HYDIN: variants seen among roughly 807,000 people sequenced by gnomAD.
HYDIN encodes axonemal central pair apparatus protein HYDIN.
Under a neutral mutation model 403.9 loss-of-function variants are expected in HYDIN, and 132 were observed. The observed-to-expected ratio is 0.33, with a 90% confidence interval of 0.28 to 0.38. The LOEUF is 0.38. HYDIN is among the 10% of genes least tolerant of loss of function. HYDIN has a pLI of 1.00. For synonymous variants in HYDIN, 1,202 were observed against 1,891.7 expected (o/e 0.64, Z 9.46); for missense variants, 2,827 against 5,009.5 (o/e 0.56, Z 13.15).
intron 12 of HYDIN, among the ~76,000 whole-genome samples, chr16:71,081,227 T>A (rs2082776641): frequency 6.6e-6 from 1 of 152,184 alleles, no homozygotes. Context: ...ATTGGTGCCT[T>A]AGTGATACTT....
intron 22 of HYDIN, 80 bp downstream of exon 22, chr16:71,020,094 T>C (rs2080425729): frequency 1.5e-6 from 2 of 1,317,012 alleles, no homozygotes; most frequent in Non-Finnish European, 2.1e-6. Context: ...AGTTGGGTGG[T>C]GTATCATTAC....
At chr16:71,130,470 G>GCTT (rs1244461507) in intron 8 of HYDIN, among the ~76,000 whole-genome samples, 2 of 75,786 alleles carry the variant, frequency 2.6e-5, no homozygotes, top group Non-Finnish European at 5.2e-5. Context: ...ATATATACCG[G>GCTT]TTTTTTTTTT....
intron 10 of HYDIN, among the ~76,000 whole-genome samples, chr16:71,097,225 G>A (rs1425009511): frequency 7.5e-6 from 1 of 132,704 alleles, no homozygotes; most frequent in Non-Finnish European, 1.5e-5. Flanking sequence ...AATTCACTGG[G>A]TCCTACTCTA....
intron 64 of HYDIN, 128 bp from the exon 65 acceptor site, chr16:70,872,307 T>G (rs2143655236): frequency 1.9e-6 from 1 of 538,668 alleles, no homozygotes; most frequent in East Asian, 3.3e-5. Context: ...TTGAGAAACC[T>G]AGAATCTCTG....
chr16:71,116,582 T>C, intron 9 of HYDIN, among the ~76,000 whole-genome samples: 1 of 152,074 alleles, frequency 6.6e-6, no homozygotes. Context: ...CAGTTCTATT[T>C]ATGATTTTTT....
In HYDIN at chr16:70,993,125, T is replaced by C. The variant is rs141448707; in HGVS notation, c.3645-915A>G. Reference sequence around the variant, plus strand: ...TCTTCCCACCGGAAGAAATTCTCCCTCCCTTGGAAGCTTCAGAGCATTTCA... The same window carrying C: ...TCTTCCCACCGGAAGAAATTCTCCCCCCCTTGGAAGCTTCAGAGCATTTCA... On this transcript the variant is annotated intron_variant, in intron 23 of 85. Coordinates refer to ENST00000393567, the MANE Select transcript of HYDIN (RefSeq NM_001270974.2). Among the ~76,000 whole-genome samples, 856 of 152,296 alleles carry C rather than the reference T, an allele frequency of 5.6e-3. 6 individuals are homozygous for C. The highest frequency in any genetic ancestry group is 0.02 in the African/African-American group (812 of 41,576).
intron 50 of HYDIN, among the ~76,000 whole-genome samples, chr16:70,907,052 C>A (rs2076556183): frequency 6.6e-6 from 1 of 151,918 alleles, no homozygotes; most frequent in Admixed American, 6.6e-5. Context: ...GCTGTATAAC[C>A]TATTCTCTGC....
At chr16:70,926,615 A>T (rs76457530) in intron 45 of HYDIN, among the ~76,000 whole-genome samples, 1 of 148,382 alleles carries the variant, frequency 6.7e-6, no homozygotes, top group South Asian at 2.2e-4. Flanking sequence ...GTATAATAAT[A>T]AAAAAAAAAT....
rs760277100 is a variant in HYDIN, at chr16:70,943,854, G to A, written c.6627C>T (p.Leu2209=). ...GGATCTGCACGAGAAGTTCATCCGG[G>A]AGCACACAGCTCATCAGCCCGGTCT... is the stretch of plus-strand genomic sequence containing the variant. ...GGETGLMSCV[L]PDELLVQILA... The change falls in exon 42 of 86, where the codon CTC becomes CTT. Residue 2209 remains leucine, a synonymous_variant. Transcript: ENST00000393567. 13 of 1,613,606 alleles carry A rather than the reference G, an allele frequency of 8.1e-6. No individual in the cohort carries two copies. In the South Asian group the frequency reaches 1.3e-4, roughly 16 times the overall value.
intron 1 of HYDIN, among the ~76,000 whole-genome samples, chr16:71,202,689 T>C (rs1206074703): frequency 2.0e-5 from 3 of 152,228 alleles, no homozygotes; most frequent in Non-Finnish European, 4.4e-5. Context: ...GCATATATAA[T>C]GAATTTAGTA....
chr16:70,874,889 C>G lies in HYDIN; in HGVS notation c.10588G>C (p.Val3530Leu), dbSNP rs199990164. The G allele has an allele frequency of 2.5e-6, 4 of 1,610,546 alleles. No homozygotes were observed. The highest frequency in any genetic ancestry group is 3.4e-6 in the Non-Finnish European group (4 of 1,179,042). ...LHVDLQDELG[V>L]FSLKGRPTTA... ...GTGGGCCTCCCTTTCAGGGAGAAGA[C>G]TCCTAGCTCATCCTGCAGGTCAACA... The change falls in exon 63 of 86, where the codon GTC becomes CTC. Residue 3530 changes from valine to leucine, a missense_variant. Transcript: ENST00000393567.
At chr16:70,830,432 G>C (rs1170691424) in intron 80 of HYDIN, among the ~76,000 whole-genome samples, 1 of 144,394 alleles carries the variant, frequency 6.9e-6, no homozygotes, top group Non-Finnish European at 1.5e-5. Context: ...CAGGGTCTTG[G>C]AGTCATGGTA....
At chr16:71,213,607 T>C (rs2088709544) in intron 1 of HYDIN, among the ~76,000 whole-genome samples, 1 of 152,228 alleles carries the variant, frequency 6.6e-6, no homozygotes, top group Non-Finnish European at 1.5e-5. Flanking sequence ...TTGAAATATG[T>C]TGAATTTTAA....
intron 81 of HYDIN, among the ~76,000 whole-genome samples, 170 bp from the exon 82 acceptor site, chr16:70,828,599 ATG>A: frequency 6.6e-6 from 1 of 150,934 alleles, no homozygotes; most frequent in South Asian, 2.1e-4. Context: ...AAATGTTCAT[ATG>A]TATCCGAGCC....
chr16:71,102,255 C>A (rs1262083663), intron 10 of HYDIN, among the ~76,000 whole-genome samples: 4 of 151,948 alleles, frequency 2.6e-5, no homozygotes. Context: ...AGTCCCATTT[C>A]TTAACGTGGG....
At chr16:71,212,806 T>G (rs1428078808) in intron 1 of HYDIN, among the ~76,000 whole-genome samples, 1 of 152,108 alleles carries the variant, frequency 6.6e-6, no homozygotes, top group Non-Finnish European at 1.5e-5. Flanking sequence ...TTTACCGAAG[T>G]GTTGAGAACA....
intron 55 of HYDIN, chr16:70,893,789 T>C (rs1367636124): frequency 6.6e-6 from 1 of 152,122 alleles, no homozygotes; most frequent in Non-Finnish European, 1.5e-5. Flanking sequence ...CCTCCTACAG[T>C]GCTGGGATTA....
At chr16:71,014,351 A>G (rs6499382) in intron 23 of HYDIN, among the ~76,000 whole-genome samples, 16,484 of 57,930 alleles carry the variant, frequency 0.28, 3,483 homozygotes, top group African/African-American at 0.61. Flanking sequence ...CCACGCTGAC[A>G]TACCCTCCGC....
chr16:71,017,201 A>G (rs79880065), intron 23 of HYDIN, among the ~76,000 whole-genome samples: 1 of 149,610 alleles, frequency 6.7e-6, no homozygotes, highest in Non-Finnish European at 1.5e-5. Flanking sequence ...AAAAAAAAAA[A>G]TTGCCAGGCG....
Sources: allele counts gnomAD v4.1 joint callset (sites outside exome capture counted in the v4.1 genomes callset), GRCh38; gene constraint gnomAD v4.1.1; transcripts MANE v1.5; gene names NCBI Gene and HGNC (gene_info 2026-07-23, HGNC 2026-07-21).